Variants in FBXL7 observed in about 807,000 individuals in gnomAD.
The protein encoded by FBXL7 is F-box/LRR-repeat protein 7.
Under a neutral mutation model 38.3 loss-of-function variants are expected in FBXL7, and 12 were observed. The observed-to-expected ratio is 0.31, with a 90% CI of 0.20 to 0.51. The LOEUF (loss-of-function observed/expected upper bound fraction) is 0.51. FBXL7 is among the 20% of genes least tolerant of loss of function. The probability of loss-of-function intolerance (pLI) is 0.98; values close to 1 mark genes in which losing one functional copy is unlikely to be tolerated. For missense variants in FBXL7, 567 were observed against 676.4 expected, an observed-to-expected ratio of 0.84 and a Z score of 1.79; for synonymous variants, 297 against 300.9, an observed-to-expected ratio of 0.99 and a Z score of 0.13.
At chr5:15,658,075 G>A (rs1741937386) in intron 2 of FBXL7, among the ~76,000 whole-genome samples, 1 of 151,990 alleles carries the variant, frequency 6.6e-6, no homozygotes, top group South Asian at 2.1e-4. Context: ...AATTAATTTT[G>A]TTGAGGGTGG....
At chr5:15,826,321 T>C (rs1738307399) in intron 2 of FBXL7, among the ~76,000 whole-genome samples, 1 of 152,234 alleles carries the variant, frequency 6.6e-6, no homozygotes. Context: ...AGAGAAAGTA[T>C]TTAGCTTTAA....
chr5:15,901,995 C>G (rs1004144128), intron 2 of FBXL7, among the ~76,000 whole-genome samples: 12 of 152,174 alleles, frequency 7.9e-5, no homozygotes, highest in Non-Finnish European at 1.5e-5. Context: ...GGCCAGAAAA[C>G]TTGCATATAA....
chr5:15,780,146 G>A (rs1252941805), intron 2 of FBXL7, among the ~76,000 whole-genome samples: 1 of 152,090 alleles, frequency 6.6e-6, no homozygotes, highest in Non-Finnish European at 1.5e-5. Context: ...CAGTTTGCAC[G>A]GCTGTGTCTA....
rs370444716 is a variant in FBXL7, at chr5:15,906,507, CAA to C, written c.128-21378_128-21377del. ...TTATTTTTTAGTTGTTCAGGATCCA[CAA>C]AAAATTTTTTTTTTTTTTTATTATA... On this transcript the variant is annotated intron_variant, in intron 2 of 3. Transcript: ENST00000504595. Among the ~76,000 whole-genome samples, 1,334 of 138,322 alleles carry C rather than the reference CAA, an allele frequency of 9.6e-3. 32 individuals are homozygous for C. Among genetic ancestry groups the C allele is most frequent in the African/African-American group, 0.034 (1,203 of 35,910 alleles). The allele number at this position is 138,322 out of a possible 152,430, so 90.7% of individuals were successfully genotyped here. A position where few individuals can be genotyped will look rare whatever the true frequency, so the allele number is the denominator to read the frequency against.
At chr5:15,614,572 CAGT>C (rs1162385733) in intron 1 of FBXL7, among the ~76,000 whole-genome samples, 3 of 152,184 alleles carry the variant, frequency 2.0e-5, no homozygotes, top group East Asian at 1.9e-4. Flanking sequence ...GCCCATCCAG[CAGT>C]AGTTTTCTAT....
intron 2 of FBXL7, among the ~76,000 whole-genome samples, chr5:15,741,414 C>A (rs1361400942): frequency 6.6e-6 from 1 of 152,184 alleles, no homozygotes; most frequent in African/African-American, 2.4e-5. Context: ...AGATAGTTCA[C>A]ATATGAATTG....
chr5:15,653,316 A>G (rs967844005), intron 2 of FBXL7, among the ~76,000 whole-genome samples: 1 of 152,216 alleles, frequency 6.6e-6, no homozygotes, highest in Non-Finnish European at 1.5e-5. Flanking sequence ...AGAATGCAGT[A>G]TTTATGAGGC....
At chr5:15,650,051 G>T (rs891607487) in intron 2 of FBXL7, among the ~76,000 whole-genome samples, 4 of 152,170 alleles carry the variant, frequency 2.6e-5, no homozygotes, top group African/African-American at 7.2e-5. Flanking sequence ...TCACTTCAGT[G>T]CACTGCCTTC....
intron 2 of FBXL7, among the ~76,000 whole-genome samples, chr5:15,853,122 G>T (rs1369871206): frequency 1.3e-5 from 2 of 152,190 alleles, no homozygotes; most frequent in African/African-American, 4.8e-5. Flanking sequence ...GGCAAATGAA[G>T]AGCCAGAATT....
chr5:15,789,964 C>G lies in FBXL7; in HGVS notation c.128-137926C>G, dbSNP rs757761604. Among the ~76,000 whole-genome samples the G allele has an allele frequency of 2.0e-5, 3 of 152,232 alleles. No homozygotes were observed. The East Asian group carries it at 5.8e-4, about 29-fold the overall frequency. On this transcript the variant is annotated intron_variant, in intron 2 of 3. Coordinates refer to ENST00000504595, the MANE Select transcript of FBXL7 (RefSeq NM_012304.5). ...GGCAGATTCTGGACCTTGAATTTGC[C>G]CTGATGCTGCATAGGCCCCCGTGGC...
intron 2 of FBXL7, among the ~76,000 whole-genome samples, chr5:15,799,635 T>G (rs998021491): frequency 6.6e-6 from 1 of 152,184 alleles, no homozygotes; most frequent in Admixed American, 6.5e-5. Context: ...GTGCTAGGAT[T>G]ACAGGCGTGA....
intron 1 of FBXL7, among the ~76,000 whole-genome samples, chr5:15,553,129 A>G (rs950411704): frequency 4.0e-5 from 6 of 151,794 alleles, no homozygotes; most frequent in African/African-American, 7.3e-5. Context: ...CCCCCAAAAA[A>G]CAAAATAATC....
intron 2 of FBXL7, among the ~76,000 whole-genome samples, chr5:15,645,315 C>G (rs1171981058): frequency 6.6e-6 from 1 of 152,124 alleles, no homozygotes; most frequent in Non-Finnish European, 1.5e-5. Context: ...CTCAAAGTCA[C>G]CCCTCTGCTC....
intron 2 of FBXL7, among the ~76,000 whole-genome samples, chr5:15,915,001 G>A (rs1741545009): frequency 6.6e-6 from 1 of 152,200 alleles, no homozygotes; most frequent in African/African-American, 2.4e-5. Context: ...GGGAAGGCTT[G>A]GCAGAAAAGC....
intron 1 of FBXL7, among the ~76,000 whole-genome samples, chr5:15,582,225 C>T (rs547672985): frequency 6.6e-6 from 1 of 152,314 alleles, no homozygotes; most frequent in East Asian, 1.9e-4. Flanking sequence ...AGGTGTGAGG[C>T]ACCACACCCA....
intron 2 of FBXL7, among the ~76,000 whole-genome samples, chr5:15,708,641 CA>C (rs1383100039): frequency 1.3e-5 from 2 of 152,180 alleles, no homozygotes; most frequent in African/African-American, 4.8e-5. Context: ...ATCTCTGAGA[CA>C]TTATCCTCAG....
rs1017571543 is a variant in FBXL7 at position 15,927,957 on chromosome 5, A to T, written c.195A>T (p.Pro65=). The T allele has an allele frequency of 6.4e-7, 1 of 1,573,512 alleles. No homozygotes were observed. The highest frequency in any genetic ancestry group is 8.6e-7 in the Non-Finnish European group (1 of 1,158,070). Residue 65 remains proline (P), a synonymous_variant, in exon 3 of 4, where the codon CCA becomes CCT. Transcript: ENST00000504595. ...CCCTGATATGTCCACCGAATCTCCCAGGATTTCAGAATGGAAGGGGCTCGT... is the reference window on the plus strand; with the variant it reads ...CCCTGATATGTCCACCGAATCTCCCTGGATTTCAGAATGGAAGGGGCTCGT... ...SPALICPPNL[P]GFQNGRGSST... is the part of the protein sequence containing the mutation.
chr5:15,918,168 G>A (rs1741648895), intron 2 of FBXL7, among the ~76,000 whole-genome samples: 1 of 152,182 alleles, frequency 6.6e-6, no homozygotes, highest in Admixed American at 6.5e-5. Flanking sequence ...GAACCTGGGA[G>A]GCAGAGGTTG....
chr5:15,697,564 T>C (rs1743379956), intron 2 of FBXL7, among the ~76,000 whole-genome samples: 1 of 151,922 alleles, frequency 6.6e-6, no homozygotes, highest in Admixed American at 6.6e-5. Flanking sequence ...AGAGACTATT[T>C]CTGCATTCTA....
Sources: gnomAD v4.1 joint callset for allele counts (sites outside exome capture counted in the v4.1 genomes callset) on GRCh38, gnomAD v4.1.1 for gene constraint, MANE v1.5 for transcripts, NCBI Gene and HGNC (gene_info 2026-07-23, HGNC 2026-07-21) for gene names.